CDH4: variants seen among roughly 807,000 people sequenced by gnomAD.
The protein encoded by CDH4 is cadherin 4.
In CDH4, 33 loss-of-function variants were observed where a neutral mutation model predicts 86.0. That is an observed-to-expected ratio of 0.38 (90% CI 0.29 to 0.51). The LOEUF is 0.51. Among genes scored for constraint, CDH4 ranks in the 20% least tolerant of loss-of-function variants. CDH4 has a pLI of 0.86. For missense variants in CDH4, 1,114 were observed against 1,307.4 expected (o/e 0.85, Z 2.28); for synonymous variants, 555 against 549.4 (o/e 1.01, Z -0.14).
At chr20:61,310,895 C>T (rs2084441897) in intron 2 of CDH4, among the ~76,000 whole-genome samples, 1 of 152,258 alleles carries the variant, frequency 6.6e-6, no homozygotes, top group South Asian at 2.1e-4. Context: ...CCTCATTTTG[C>T]CTTAATCACC....
intron 3 of CDH4, among the ~76,000 whole-genome samples, chr20:61,748,761 A>C (rs527977594): frequency 6.6e-6 from 1 of 152,344 alleles, no homozygotes; most frequent in Non-Finnish European, 1.5e-5. Context: ...ATTACTCCTA[A>C]ATAAGACGAA....
intron 2 of CDH4, among the ~76,000 whole-genome samples, chr20:61,730,194 T>C (rs2088161885): frequency 6.6e-6 from 1 of 152,162 alleles, no homozygotes; most frequent in African/African-American, 2.4e-5. Context: ...GGCTCTGTCT[T>C]GGTGTGGCGG....
At chr20:61,292,910 G>A (rs2084330968) in intron 2 of CDH4, among the ~76,000 whole-genome samples, 1 of 152,198 alleles carries the variant, frequency 6.6e-6, no homozygotes, top group Non-Finnish European at 1.5e-5. Flanking sequence ...CCCTAGGAGG[G>A]AGGAAGCCCC....
chr20:61,726,609 C>T (rs1043919564), intron 2 of CDH4, among the ~76,000 whole-genome samples: 3 of 152,070 alleles, frequency 2.0e-5, no homozygotes, highest in African/African-American at 7.2e-5. Flanking sequence ...CTGCCATCAT[C>T]ACCATCACTG....
rs528852496 is a variant in CDH4, at chr20:61,874,071, T to C, written c.1050+171T>C. On this transcript the variant is annotated intron_variant, in intron 7 of 15. Transcript: ENST00000614565. ...CTCAGCAAAGGAGGCTCTGGAGCAC[T>C]CAGCACCGGCTGCTATGAGCGAGTC... Among the ~76,000 whole-genome samples the C allele has an allele frequency of 2.0e-5, 3 of 152,234 alleles. No homozygotes were observed. The East Asian group carries it at 5.8e-4, about 29-fold the overall frequency.
At chr20:61,568,841 G>A (rs1310464969) in intron 2 of CDH4, among the ~76,000 whole-genome samples, 2 of 152,186 alleles carry the variant, frequency 1.3e-5, no homozygotes, top group Admixed American at 6.5e-5. Flanking sequence ...TGCAGCTCAC[G>A]CACCTGCATT....
At chr20:61,895,536 T>C (rs531102743) in intron 8 of CDH4, among the ~76,000 whole-genome samples, 16 of 152,272 alleles carry the variant, frequency 1.1e-4, no homozygotes, top group Non-Finnish European at 1.6e-4. Context: ...TGAATGTTGT[T>C]GAAAGTCCAG....
chr20:61,424,338 C>A (rs956438928), intron 2 of CDH4, among the ~76,000 whole-genome samples: 3 of 151,632 alleles, frequency 2.0e-5, no homozygotes, highest in Non-Finnish European at 4.4e-5. Context: ...ACACATGTAT[C>A]CAAACACACT....
chr20:61,648,170 C>G (rs1187441764), intron 2 of CDH4, among the ~76,000 whole-genome samples: 1 of 152,190 alleles, frequency 6.6e-6, no homozygotes, highest in Non-Finnish European at 1.5e-5. Context: ...TTGCAGGGAA[C>G]AGAAAAGGAA....
At position 61,441,862 on chromosome 20, in the gene CDH4, G is replaced by A. The variant is rs561142061; in HGVS notation, c.169+186925G>A. ...TACGACAGGACCCTAACAACAAGAA[G>A]AGCCAGGTTGGGTTGTGCAGGTGGC... is the stretch of plus-strand genomic sequence containing the variant. On this transcript the variant is annotated intron_variant, in intron 2 of 15. Transcript: ENST00000614565. 3.9e-5 allele frequency among the ~76,000 whole-genome samples: 6 copies of A among 152,252 alleles called. No homozygotes were observed. In the East Asian group the frequency reaches 1.2e-3, roughly 29 times the overall value.
At chr20:61,602,714 A>C (rs898187347) in intron 2 of CDH4, among the ~76,000 whole-genome samples, 28 of 150,292 alleles carry the variant, frequency 1.9e-4, no homozygotes, top group African/African-American at 6.6e-4. Flanking sequence ...AAAAAAAAAA[A>C]AAAAAACTTG....
At chr20:61,736,646 GGAGAGAGAGA>G (rs755619100) in intron 2 of CDH4, among the ~76,000 whole-genome samples, 1 of 138,156 alleles carries the variant, frequency 7.2e-6, no homozygotes, top group African/African-American at 2.7e-5. Context: ...AAGGAAGGAA[GGAGAGAGAGA>G]GAGAGGGAGA....
chr20:61,830,719 G>A (rs1981562407), intron 4 of CDH4, among the ~76,000 whole-genome samples: 1 of 152,268 alleles, frequency 6.6e-6, no homozygotes, highest in African/African-American at 2.4e-5. Flanking sequence ...ATCGCAGGCA[G>A]GCCCTGCAGA....
chr20:61,845,430 C>G lies in CDH4; in HGVS notation c.732+607C>G, dbSNP rs1297193538. Among the ~76,000 whole-genome samples the G allele has an allele frequency of 2.0e-5, 3 of 152,306 alleles. No individual in the cohort carries two copies. In the East Asian group the frequency reaches 5.8e-4, roughly 29 times the overall value. On this transcript the variant is annotated intron_variant, in intron 5 of 15. Transcript: ENST00000614565. ...TCAGCTTCCAGGGGGCGGGCCTTCTCCTCCCGGGCCGAACTGACCCTGGCC... is the reference window on the plus strand; with the variant it reads ...TCAGCTTCCAGGGGGCGGGCCTTCTGCTCCCGGGCCGAACTGACCCTGGCC...
intron 2 of CDH4, among the ~76,000 whole-genome samples, chr20:61,434,012 G>C (rs1007365047): frequency 6.6e-6 from 1 of 152,150 alleles, no homozygotes; most frequent in Non-Finnish European, 1.5e-5. Context: ...GTCCCATGGC[G>C]CATGGCTGAC....
chr20:61,892,714 C>T lies in CDH4; in HGVS notation c.1051-2196C>T, dbSNP rs182770981. Among the ~76,000 whole-genome samples the T allele has an allele frequency of 2.7e-4, 41 of 152,270 alleles. 1 individual carries two copies. Among genetic ancestry groups the T allele is most frequent in the African/African-American group, 8.9e-4 (37 of 41,552 alleles). ...AAAACTTAGCAGCCTAAAACAACCA[C>T]CATTTATTTCTATTTATTTAGCTCA... On this transcript the variant is annotated intron_variant, in intron 7 of 15. Coordinates refer to ENST00000614565, the MANE Select transcript of CDH4 (RefSeq NM_001794.5).
At chr20:61,685,902 C>T (rs2087568379) in intron 2 of CDH4, among the ~76,000 whole-genome samples, 1 of 152,266 alleles carries the variant, frequency 6.6e-6, no homozygotes, top group Admixed American at 6.5e-5. Context: ...TACCCGCACA[C>T]CATTTAGCAT....
chr20:61,443,492 T>C (rs942587431), intron 2 of CDH4, among the ~76,000 whole-genome samples: 1 of 152,344 alleles, frequency 6.6e-6, no homozygotes, highest in African/African-American at 2.4e-5. Context: ...CTGGTTCTCA[T>C]GGCTCGTTTT....
At chr20:61,353,675 TCCTCCTCCC>T (rs1568810375) in intron 2 of CDH4, among the ~76,000 whole-genome samples, 22 of 26,180 alleles carry the variant, frequency 8.4e-4, no homozygotes, top group Non-Finnish European at 1.2e-3. Context: ...CTCTTCCCCC[TCCTCCTCCC>T]CCTCCTCCTC....
Sources: gnomAD v4.1 joint callset for allele counts (sites outside exome capture counted in the v4.1 genomes callset) on GRCh38, gnomAD v4.1.1 for gene constraint, MANE v1.5 for transcripts, NCBI Gene and HGNC (gene_info 2026-07-23, HGNC 2026-07-21) for gene names.